The following MAGI3 variants were observed in gnomAD, a reference collection of about 807,000 sequenced individuals.
The protein encoded by MAGI3 is membrane-associated guanylate kinase, WW and PDZ domain-containing protein 3.
In MAGI3, 43 loss-of-function variants were observed where a neutral mutation model predicts 121.8. The observed-to-expected ratio is 0.35, with a 90% CI of 0.28 to 0.46. MAGI3 has a LOEUF of 0.46. Ranked by LOEUF, MAGI3 falls within the 20% of genes least tolerant of loss-of-function variation. The pLI, the probability that MAGI3 is intolerant of heterozygous loss-of-function variation, is 1.00. For synonymous variants in MAGI3, 553 were observed against 639.3 expected, an observed-to-expected ratio of 0.86 and a Z score of 2.04; for missense variants, 1,547 against 1,797.3, an observed-to-expected ratio of 0.86 and a Z score of 2.52.
At chr1:113,424,604 C>A (rs2101395656) in intron 1 of MAGI3, among the ~76,000 whole-genome samples, 1 of 152,314 alleles carries the variant, frequency 6.6e-6, no homozygotes, top group Non-Finnish European at 1.5e-5. Context: ...CCTTGACATT[C>A]ATCCAAGTTG....
In MAGI3 at chr1:113,642,087, G is replaced by C. The variant is rs1652575366; in HGVS notation, c.1537G>C (p.Val513Leu). Residue 513 changes from valine to leucine, a missense_variant, in exon 10 of 21, where the codon GTC (valine) becomes CTC (leucine). Physicochemically the swap from Val to Leu is conservative, Grantham distance 32 (BLOSUM62 1). Transcript: ENST00000307546. Reference sequence around the variant, plus strand: ...TGTGGACATTGTTGCTGCTACCCCTGTCATCAATGGACAGTCATTAACCAA... The same window carrying C: ...TGTGGACATTGTTGCTGCTACCCCTCTCATCAATGGACAGTCATTAACCAA... ...PVVDIVAATP[V>L]INGQSLTKGE... is the part of the protein sequence containing the mutation. 3.1e-6 allele frequency: 5 copies of C among 1,614,122 alleles called. No individual in the cohort carries two copies. Among genetic ancestry groups the C allele is most frequent in the Non-Finnish European group, 4.2e-6 (5 of 1,180,026 alleles).
intron 1 of MAGI3, among the ~76,000 whole-genome samples, chr1:113,544,877 AAAAC>A (rs1281692375): frequency 2.0e-5 from 3 of 152,088 alleles, no homozygotes; most frequent in African/African-American, 7.2e-5. Flanking sequence ...AGTAAAAGGT[AAAAC>A]AAACAACCTG....
intron 1 of MAGI3, among the ~76,000 whole-genome samples, chr1:113,533,889 A>G (rs1658845388): frequency 6.6e-6 from 1 of 151,608 alleles, no homozygotes. Context: ...GACACGGTGA[A>G]TATTAATATT....
intron 6 of MAGI3, among the ~76,000 whole-genome samples, chr1:113,596,681 G>T (rs1004701609): frequency 6.6e-6 from 1 of 151,414 alleles, no homozygotes; most frequent in African/African-American, 2.4e-5. Flanking sequence ...TTTCACCAAA[G>T]AAAATATACA....
intron 1 of MAGI3, among the ~76,000 whole-genome samples, chr1:113,500,637 C>A (rs1376092684): frequency 2.6e-4 from 1 of 3,788 alleles, no homozygotes; most frequent in Non-Finnish European, 3.7e-4. Flanking sequence ...ACCAGAGGTA[C>A]AAGGAGGAAC....
rs188377931 is a variant in MAGI3, at chr1:113,573,544, A to G, written c.434-6998A>G. ...TAATCCTGAGTTCCAATTTGATTGCACTGTGGTCCGAGAGAGCGTTTGTTA... is the reference window on the plus strand; with the variant it reads ...TAATCCTGAGTTCCAATTTGATTGCGCTGTGGTCCGAGAGAGCGTTTGTTA... On this transcript the variant is annotated intron_variant, in intron 2 of 20. Transcript: ENST00000307546. Among the ~76,000 whole-genome samples the G allele has an allele frequency of 1.1e-3, 164 of 152,260 alleles. 1 individual carries two copies. Among genetic ancestry groups the G allele is most frequent in the African/African-American group, 3.8e-3 (159 of 41,574 alleles).
At chr1:113,555,084 G>A (rs1659932317) in intron 2 of MAGI3, among the ~76,000 whole-genome samples, 1 of 151,602 alleles carries the variant, frequency 6.6e-6, no homozygotes. Flanking sequence ...ATAAGCCAGA[G>A]TCCATCAAAT....
At chr1:113,456,882 A>G (rs1005207269) in intron 1 of MAGI3, among the ~76,000 whole-genome samples, 1 of 151,834 alleles carries the variant, frequency 6.6e-6, no homozygotes, top group African/African-American at 2.4e-5. Context: ...GTTCTAGACA[A>G]TGCAATAAAA....
chr1:113,507,067 ATAGT>A (rs1657369418), intron 1 of MAGI3, among the ~76,000 whole-genome samples: 1 of 152,160 alleles, frequency 6.6e-6, no homozygotes. Flanking sequence ...TTCTAAGTAC[ATAGT>A]TAGATGAACT....
At chr1:113,612,870 A>G (rs564259000) in intron 6 of MAGI3, among the ~76,000 whole-genome samples, 1 of 152,274 alleles carries the variant, frequency 6.6e-6, no homozygotes, top group African/African-American at 2.4e-5. Flanking sequence ...AATTTTTCAG[A>G]TATCAAATGG....
At chr1:113,562,385 C>T (rs796692015) in intron 2 of MAGI3, among the ~76,000 whole-genome samples, 8 of 151,872 alleles carry the variant, frequency 5.3e-5, no homozygotes, top group Admixed American at 2.0e-4. Flanking sequence ...CCTGGGAGAC[C>T]GCGAGACTCC....
intron 16 of MAGI3, among the ~76,000 whole-genome samples, chr1:113,664,095 T>G (rs1179887986): frequency 6.6e-6 from 1 of 152,250 alleles, no homozygotes; most frequent in African/African-American, 2.4e-5. Context: ...ATACTAGACC[T>G]TTATCAGATA....
chr1:113,436,306 C>A (rs11102634), intron 1 of MAGI3, among the ~76,000 whole-genome samples: 6,090 of 151,366 alleles, frequency 0.04, 147 homozygotes, highest in East Asian at 0.12. Flanking sequence ...CTCTCTCTCT[C>A]TATATATATA....
chr1:113,668,614 C>T (rs1475132687), intron 16 of MAGI3, among the ~76,000 whole-genome samples: 1 of 116,790 alleles, frequency 8.6e-6, no homozygotes, highest in Non-Finnish European at 1.6e-5. Flanking sequence ...CTCGCTCTGT[C>T]GCCCAGGCCG....
Position 113,683,307 on chromosome 1 carries a change from C to G in MAGI3, c.3739C>G (p.Pro1247Ala). 1 of 1,612,640 alleles carries G rather than the reference C, an allele frequency of 6.2e-7. No homozygotes were observed. Among genetic ancestry groups the G allele is most frequent in the Non-Finnish European group, 8.5e-7 (1 of 1,179,612 alleles). The change falls in exon 21 of 21, where the codon CCC becomes GCC. Residue 1247 changes from proline to alanine, a missense_variant. Pro to Ala is a conservative substitution (Grantham distance 27). Transcript: ENST00000307546. ...DKIPSPLKNN[P>A]KRRPRDQSLS... ...GATTCCTAGTCCTCTAAAAAATAAC[C>G]CCAAAAGAAGACCCAGAGATCAATC...
At chr1:113,402,814 C>T (rs965275980) in intron 1 of MAGI3, among the ~76,000 whole-genome samples, 3 of 151,982 alleles carry the variant, frequency 2.0e-5, no homozygotes, top group Non-Finnish European at 4.4e-5. Flanking sequence ...TGTCTCAGGC[C>T]ACGTAAAGCT....
intron 16 of MAGI3, among the ~76,000 whole-genome samples, chr1:113,668,910 C>T (rs1156889609): frequency 6.6e-6 from 1 of 152,140 alleles, no homozygotes; most frequent in African/African-American, 2.4e-5. Context: ...AAGTAAGCAC[C>T]AATTTGTGGT....
At chr1:113,676,006 CT>C (rs1226624415) in intron 19 of MAGI3, among the ~76,000 whole-genome samples, 1 of 151,868 alleles carries the variant, frequency 6.6e-6, no homozygotes, top group East Asian at 1.9e-4. Flanking sequence ...TTTCTTGGTC[CT>C]TTCCCCTCCC....
chr1:113,531,038 A>G (rs1360418314), intron 1 of MAGI3, among the ~76,000 whole-genome samples: 1 of 152,234 alleles, frequency 6.6e-6, no homozygotes, highest in Non-Finnish European at 1.5e-5. Flanking sequence ...CATAAACTGT[A>G]CTCAAAGGAA....
Sources: allele counts gnomAD v4.1 joint callset (sites outside exome capture counted in the v4.1 genomes callset), GRCh38; gene constraint gnomAD v4.1.1; transcripts MANE v1.5; gene names NCBI Gene and HGNC (gene_info 2026-07-23, HGNC 2026-07-21).